Variants in FRMD4A observed in about 807,000 individuals in gnomAD.
FRMD4A encodes the protein FERM domain containing 4A.
A neutral mutation model predicts 129.1 loss-of-function variants in FRMD4A; 29 were observed. That is an observed-to-expected ratio of 0.22 (90% CI 0.17 to 0.31). The LOEUF (loss-of-function observed/expected upper bound fraction) is 0.31. Among genes scored for constraint, FRMD4A ranks in the 10% least tolerant of loss-of-function variants. The pLI, the probability that FRMD4A is intolerant of heterozygous loss-of-function variation, is 1.00. For synonymous variants in FRMD4A, 634 were observed against 571.6 expected (o/e 1.11, Z -1.56); for missense variants, 1,272 against 1,375.8 (o/e 0.92, Z 1.19).
chr10:14,071,841 G>A (rs1471303094), intron 2 of FRMD4A, among the ~76,000 whole-genome samples: 2 of 152,006 alleles, frequency 1.3e-5, no homozygotes, highest in Non-Finnish European at 2.9e-5. Flanking sequence ...GGGTGAGGGT[G>A]GACTCTTAGG....
intron 2 of FRMD4A, among the ~76,000 whole-genome samples, chr10:14,175,960 T>G: frequency 6.6e-6 from 1 of 152,226 alleles, no homozygotes; most frequent in East Asian, 1.9e-4. Flanking sequence ...ACATATTGAG[T>G]GCAACTCGCT....
intron 2 of FRMD4A, among the ~76,000 whole-genome samples, chr10:14,160,826 C>A (rs72778617): frequency 2.6e-5 from 4 of 152,128 alleles, no homozygotes; most frequent in African/African-American, 9.7e-5. Flanking sequence ...ATCATTTTAC[C>A]CCATTTAGAA....
chr10:13,945,440 C>A (rs1034431168), intron 2 of FRMD4A, among the ~76,000 whole-genome samples: 3 of 152,102 alleles, frequency 2.0e-5, no homozygotes, highest in African/African-American at 7.2e-5. Context: ...GCTATCAAAT[C>A]CTTTATGAAA....
At chr10:14,251,867 G>A (rs556864362) in intron 2 of FRMD4A, among the ~76,000 whole-genome samples, 15 of 151,628 alleles carry the variant, frequency 9.9e-5, no homozygotes, top group East Asian at 9.7e-4. Flanking sequence ...AAGATCAAAC[G>A]AGCATGTGTG....
chr10:14,152,152 T>C (rs10159962), intron 2 of FRMD4A, among the ~76,000 whole-genome samples: 1,162 of 109,244 alleles, frequency 0.011, 21 homozygotes, highest in African/African-American at 0.039. Context: ...TTTTGAGACA[T>C]AGTCTCGCTC....
chr10:14,214,310 C>A (rs1220840336), intron 2 of FRMD4A, among the ~76,000 whole-genome samples: 2 of 152,178 alleles, frequency 1.3e-5, no homozygotes, highest in African/African-American at 2.4e-5. Context: ...AAACCCCAAC[C>A]CACATCCCAT....
At chr10:13,753,353 T>C (rs2091717013) in intron 8 of FRMD4A, among the ~76,000 whole-genome samples, 2 of 152,066 alleles carry the variant, frequency 1.3e-5, no homozygotes, top group South Asian at 4.1e-4. Context: ...GTCCCATCTG[T>C]CTGAGAAACT....
intron 2 of FRMD4A, among the ~76,000 whole-genome samples, chr10:14,327,412 C>T (rs922425465): frequency 9.9e-5 from 15 of 152,194 alleles, no homozygotes; most frequent in African/African-American, 3.6e-4. Context: ...TCTTAGAGAT[C>T]TTAAATTGTG....
chr10:13,778,357 G>T (rs562237352), intron 6 of FRMD4A, among the ~76,000 whole-genome samples: 1 of 152,168 alleles, frequency 6.6e-6, no homozygotes, highest in East Asian at 1.9e-4. Flanking sequence ...CTGCATTATG[G>T]TATCTTTTCC....
chr10:13,994,031 A>G (rs1247686558), intron 2 of FRMD4A, among the ~76,000 whole-genome samples: 2 of 124,828 alleles, frequency 1.6e-5, no homozygotes, highest in African/African-American at 5.5e-5. Context: ...TTTTTTTGAG[A>G]TGGAGCCTTG....
At chr10:13,726,540 G>T (rs2089907692) in intron 12 of FRMD4A, among the ~76,000 whole-genome samples, 1 of 152,204 alleles carries the variant, frequency 6.6e-6, no homozygotes, top group South Asian at 2.1e-4. Flanking sequence ...CACTGCCTGT[G>T]CTCAAGTCAC....
intron 4 of FRMD4A, among the ~76,000 whole-genome samples, chr10:13,798,939 C>G (rs959836717): frequency 1.1e-4 from 16 of 152,114 alleles, no homozygotes; most frequent in African/African-American, 3.9e-4. Context: ...TCCCAGTAGG[C>G]CTTTCCCTTC....
intron 23 of FRMD4A, chr10:13,652,835 T>G (rs1465730772): frequency 6.6e-6 from 1 of 152,252 alleles, no homozygotes; most frequent in East Asian, 1.9e-4. Flanking sequence ...TGGATTTTTT[T>G]TGTGTTACAG....
At chr10:13,939,327 A>G (rs1466201984) in intron 2 of FRMD4A, among the ~76,000 whole-genome samples, 1 of 152,214 alleles carries the variant, frequency 6.6e-6, no homozygotes, top group Admixed American at 6.5e-5. Context: ...GAGATTACCA[A>G]TGCAATTTTC....
chr10:14,279,740 G>A (rs188064485), intron 2 of FRMD4A, among the ~76,000 whole-genome samples: 42 of 152,284 alleles, frequency 2.8e-4, no homozygotes, highest in African/African-American at 1.0e-3. Flanking sequence ...TGGAGTCAAT[G>A]TGCATGATCT....
At chr10:14,249,345 C>G (rs1564416613) in intron 2 of FRMD4A, among the ~76,000 whole-genome samples, 1 of 123,376 alleles carries the variant, frequency 8.1e-6, no homozygotes. Context: ...GAGCAAGAAT[C>G]TGTCTTAAAA....
At chr10:14,231,172 G>C (rs1356072006) in intron 2 of FRMD4A, among the ~76,000 whole-genome samples, 1 of 152,102 alleles carries the variant, frequency 6.6e-6, no homozygotes, top group Non-Finnish European at 1.5e-5. Context: ...TGGTAGTTCT[G>C]TTTTAAGTTC....
At chr10:14,122,635 T>C (rs140785979) in intron 2 of FRMD4A, among the ~76,000 whole-genome samples, 1 of 152,028 alleles carries the variant, frequency 6.6e-6, no homozygotes, top group Non-Finnish European at 1.5e-5. Context: ...TACACACTTT[T>C]AAATGATTAG....
At chr10:13,964,637 T>G (rs1248849422) in intron 2 of FRMD4A, among the ~76,000 whole-genome samples, 1 of 152,092 alleles carries the variant, frequency 6.6e-6, no homozygotes, top group Admixed American at 6.6e-5. Flanking sequence ...GTGAGATATT[T>G]TAATTGTCAT....
Sources: allele counts gnomAD v4.1 joint callset (sites outside exome capture counted in the v4.1 genomes callset), GRCh38; gene constraint gnomAD v4.1.1; transcripts MANE v1.5; gene names NCBI Gene and HGNC (gene_info 2026-07-23, HGNC 2026-07-21).